PIK3C3: variants seen among roughly 807,000 people sequenced by gnomAD.
PIK3C3 encodes PI3-kinase type 3.
In PIK3C3, 95 loss-of-function variants were observed where a neutral mutation model predicts 126.1. The ratio of observed to expected loss-of-function variants is 0.75; its 90% CI spans 0.64 to 0.89. The LOEUF is 0.89. Ranked by LOEUF, PIK3C3 falls within the 40% of genes least tolerant of loss-of-function variation. PIK3C3 has a pLI of 0.00. For synonymous variants in PIK3C3, 374 were observed against 360.0 expected, an observed-to-expected ratio of 1.04 and a Z score of -0.44; for missense variants, 829 against 1,063.2, an observed-to-expected ratio of 0.78 and a Z score of 3.06.
chr18:42,066,143 G>A (rs1359634747), intron 23 of PIK3C3, among the ~76,000 whole-genome samples: 1 of 152,174 alleles, frequency 6.6e-6, no homozygotes, highest in Non-Finnish European at 1.5e-5. Flanking sequence ...ACATGAGAGA[G>A]CTAGTTCATT....
At chr18:42,009,011 CGAAT>C (rs1217534338) in intron 10 of PIK3C3, among the ~76,000 whole-genome samples, 1 of 151,926 alleles carries the variant, frequency 6.6e-6, no homozygotes, top group African/African-American at 2.4e-5. Context: ...AGCAGCACTC[CGAAT>C]GAAGGCTGGC....
At chr18:42,031,135 G>A (rs1027678413) in intron 15 of PIK3C3, among the ~76,000 whole-genome samples, 1 of 152,084 alleles carries the variant, frequency 6.6e-6, no homozygotes, top group African/African-American at 2.4e-5. Context: ...CAGAGATAGC[G>A]CTCTACTACC....
At chr18:41,964,578 C>T (rs1025655554) in intron 3 of PIK3C3, among the ~76,000 whole-genome samples, 2 of 151,898 alleles carry the variant, frequency 1.3e-5, no homozygotes, top group Non-Finnish European at 2.9e-5. Context: ...ACTAGGTATC[C>T]TTCCTGGGCT....
chr18:42,078,503 A>C (rs1167675334), intron 24 of PIK3C3, among the ~76,000 whole-genome samples: 1 of 151,834 alleles, frequency 6.6e-6, no homozygotes, highest in Admixed American at 6.6e-5. Context: ...CATAATTCTT[A>C]GGGGCCCTAG....
chr18:42,060,833 T>C (rs754397409), intron 22 of PIK3C3, among the ~76,000 whole-genome samples: 7 of 152,110 alleles, frequency 4.6e-5, no homozygotes, highest in Non-Finnish European at 8.8e-5. Context: ...GGTTCTCATA[T>C]TGTCTCAGAG....
At position 42,055,403 on chromosome 18, in the gene PIK3C3, AG is replaced by A. The variant is rs531369312; in HGVS notation, c.2264-2479del. ...TTTAAGTAATAAGTATTGGGAACAG[AG>A]AGTGGGAGTATAAATGTAGGGAGCC... On this transcript the variant is annotated intron_variant, in intron 21 of 24. Transcript: ENST00000262039. Among the ~76,000 whole-genome samples, 7 of 152,236 alleles carry A rather than the reference AG, an allele frequency of 4.6e-5. No homozygotes were observed. The South Asian group carries it at 1.5e-3, about 32-fold the overall frequency.
chr18:42,063,956 A>T (rs150075820), intron 22 of PIK3C3, among the ~76,000 whole-genome samples: 1 of 152,300 alleles, frequency 6.6e-6, no homozygotes, highest in East Asian at 1.9e-4. Context: ...AGGAGGGGCC[A>T]CTAAGAGCAT....
chr18:42,018,589 G>A (rs562180069), intron 12 of PIK3C3, among the ~76,000 whole-genome samples: 177 of 152,032 alleles, frequency 1.2e-3, no homozygotes, highest in Non-Finnish European at 1.8e-3. Context: ...CTTACTGAAA[G>A]CATTGGCACA....
chr18:41,999,685 A>T (rs1043288826), intron 9 of PIK3C3, among the ~76,000 whole-genome samples: 2 of 152,208 alleles, frequency 1.3e-5, no homozygotes, highest in Non-Finnish European at 1.5e-5. Context: ...ATTAGGAAGT[A>T]TAGCATAGTA....
At position 42,082,300 on chromosome 18, in the gene PIK3C3, C is replaced by T. The variant is rs1382046547; in HGVS notation, c.*1163C>T. 6.6e-6 allele frequency: 1 copy of T among 152,092 alleles called. No homozygotes were observed. The highest frequency in any genetic ancestry group is 1.5e-5 in the Non-Finnish European group (1 of 68,020). 9.4% of individuals were successfully genotyped at this position (152,092 alleles called of 1,614,324 possible). A position where few individuals can be genotyped will look rare whatever the true frequency, so the allele number is the denominator to read the frequency against. On this transcript the variant is annotated 3_prime_UTR_variant, in exon 25 of 25. Coordinates refer to ENST00000262039, the MANE Select transcript of PIK3C3 (RefSeq NM_002647.4). ...ATTGTGGCACAGTTTCAGAGAATGC[C>T]GTTAATGATAACGTGTTATTTGTCT...
At position 42,081,925 on chromosome 18, in the gene PIK3C3, A is replaced by T. The variant is rs552283863; in HGVS notation, c.*788A>T. ...AATGTAAATTGTCTTTCTGCAATAA[A>T]TTTTTTGGATGCAAATTTAGATTTC... On this transcript the variant is annotated 3_prime_UTR_variant, in exon 25 of 25. Transcript: ENST00000262039. The T allele has an allele frequency of 1.3e-5, 2 of 152,172 alleles. No homozygotes were observed. Among genetic ancestry groups the T allele is most frequent in the Non-Finnish European group, 2.9e-5 (2 of 68,018 alleles). The allele number at this position is 152,172 out of a possible 1,614,324, so 9.4% of individuals were successfully genotyped here.
At chr18:42,062,279 G>A (rs2469470) in intron 22 of PIK3C3, among the ~76,000 whole-genome samples, 5 of 149,374 alleles carry the variant, frequency 3.3e-5, no homozygotes, top group East Asian at 3.9e-4. Context: ...CGGATTGTAC[G>A]CTGCTGGCAT....
intron 17 of PIK3C3, among the ~76,000 whole-genome samples, chr18:42,038,295 C>A (rs1450365065): frequency 6.6e-6 from 1 of 151,976 alleles, no homozygotes; most frequent in Non-Finnish European, 1.5e-5. Context: ...ATTTAGCATA[C>A]CGTCATCTAA....
At chr18:41,982,931 T>C (rs1981279685) in intron 4 of PIK3C3, among the ~76,000 whole-genome samples, 1 of 152,192 alleles carries the variant, frequency 6.6e-6, no homozygotes, top group South Asian at 2.1e-4. Context: ...TTTTGCATAG[T>C]GTAGATAAGT....
rs1050861210 is a variant in PIK3C3, at chr18:42,070,525, G to A, written c.2649+3012G>A. 40 of 152,018 alleles carry A rather than the reference G, an allele frequency of 2.6e-4. 1 individual carries two copies. The highest frequency in any genetic ancestry group is 2.0e-3 in the Admixed American group (31 of 15,254). The allele number at this position is 152,018 out of a possible 1,614,324, so 9.4% of individuals were successfully genotyped here. On this transcript the variant is annotated intron_variant, in intron 24 of 24. Coordinates refer to ENST00000262039, the MANE Select transcript of PIK3C3 (RefSeq NM_002647.4). ...TTATTAAAAATGGAGGAGAAAAAGAGGTTGATAAAAAGTAGTAGTTTTTAG... is the reference window on the plus strand; with the variant it reads ...TTATTAAAAATGGAGGAGAAAAAGAAGTTGATAAAAAGTAGTAGTTTTTAG...
At chr18:41,958,029 G>A (rs556619894) in intron 2 of PIK3C3, among the ~76,000 whole-genome samples, 3 of 152,206 alleles carry the variant, frequency 2.0e-5, no homozygotes, top group Middle Eastern at 3.4e-3. Context: ...ACAAAAACAC[G>A]TCTGTGGCAT....
intron 2 of PIK3C3, among the ~76,000 whole-genome samples, chr18:41,958,708 T>C (rs1289091770): frequency 1.3e-5 from 2 of 152,022 alleles, no homozygotes; most frequent in Non-Finnish European, 2.9e-5. Context: ...TATATAGATA[T>C]AGATATATAT....
At chr18:41,983,952 CTTTT>C (rs533824517) in intron 4 of PIK3C3, among the ~76,000 whole-genome samples, 1 of 139,092 alleles carries the variant, frequency 7.2e-6, no homozygotes. Flanking sequence ...TAAATTATGC[CTTTT>C]TTTTTTTTTT....
At chr18:42,032,088 G>T (rs949385853) in intron 15 of PIK3C3, among the ~76,000 whole-genome samples, 1 of 152,222 alleles carries the variant, frequency 6.6e-6, no homozygotes. Context: ...GAGTGGCCAG[G>T]TAAGGCCTCA....
Sources: allele counts gnomAD v4.1 joint callset (sites outside exome capture counted in the v4.1 genomes callset), GRCh38; gene constraint gnomAD v4.1.1; transcripts MANE v1.5; gene names NCBI Gene and HGNC (gene_info 2026-07-23, HGNC 2026-07-21).